CACNA1C: variants seen among roughly 807,000 people sequenced by gnomAD.
The protein encoded by CACNA1C is calcium voltage-gated channel subunit alpha1 C.
Under a neutral mutation model 229.0 loss-of-function variants are expected in CACNA1C, and 30 were observed. The observed-to-expected ratio is 0.13, with a 90% CI of 0.10 to 0.18. The LOEUF is 0.18. CACNA1C is among the 10% of genes least tolerant of loss of function. The pLI is 1.00. For synonymous variants in CACNA1C, 1,114 were observed against 1,132.5 expected, an observed-to-expected ratio of 0.98 and a Z score of 0.33; for missense variants, 1,658 against 2,845.0, an observed-to-expected ratio of 0.58 and a Z score of 9.49.
chr12:2,559,615 C>T (rs1425449680), intron 11 of CACNA1C, among the ~76,000 whole-genome samples: 1 of 152,236 alleles, frequency 6.6e-6, no homozygotes, highest in African/African-American at 2.4e-5. Context: ...TAGATTGGCA[C>T]TATCATTGAA....
Position 2,646,200 on chromosome 12 carries a change from T to A in CACNA1C, c.3913-2275T>A, listed in dbSNP as rs2094337845. On this transcript the variant is annotated intron_variant, in intron 30 of 46. Coordinates refer to ENST00000399655, the MANE Select transcript of CACNA1C (RefSeq NM_000719.7). The surrounding 1 kb of genome is among the most constrained non-coding windows in gnomAD (Gnocchi z 4.6). ...AAAATGCAACAAGAAAAAAGACAGT[T>A]AAGACAAATGTTTAAAAATCCCAAA... Among the ~76,000 whole-genome samples the A allele has an allele frequency of 6.6e-6, 1 of 152,250 alleles. No homozygotes were observed. Among genetic ancestry groups the A allele is most frequent in the African/African-American group, 2.4e-5 (1 of 41,468 alleles).
upstream of CACNA1C, among the ~76,000 whole-genome samples, chr12:2,051,624 AG>A (rs2052244348): frequency 6.6e-6 from 1 of 152,198 alleles, no homozygotes; most frequent in African/African-American, 2.4e-5. Context: ...ATTCACCTGA[AG>A]GTAGGGTCAA....
intron 13 of CACNA1C, among the ~76,000 whole-genome samples, chr12:2,573,778 A>T (rs904724201): frequency 1.3e-5 from 2 of 152,230 alleles, no homozygotes; most frequent in Non-Finnish European, 2.9e-5. Flanking sequence ...AAAATAAAAC[A>T]AATTAATATT....
Position 2,653,947 on chromosome 12 carries a change from T to C in CACNA1C, c.4140+47T>C, listed in dbSNP as rs1319686054. On this transcript the variant is annotated intron_variant, in intron 33 of 46. Transcript: ENST00000399655. The surrounding 1 kb of genome is among the most constrained non-coding windows in gnomAD (Gnocchi z 4.7). Reference sequence around the variant, plus strand: ...GGCTCCTGGCCTCCCGCTCTGTCTCTCCCCAGTTCCCAGCACCACATTCCC... The same window carrying C: ...GGCTCCTGGCCTCCCGCTCTGTCTCCCCCCAGTTCCCAGCACCACATTCCC... 1 of 1,488,702 alleles carries C rather than the reference T, an allele frequency of 6.7e-7. No individual in the cohort carries two copies. Among genetic ancestry groups the C allele is most frequent in the Non-Finnish European group, 9.4e-7 (1 of 1,067,894 alleles). 92.2% of individuals were successfully genotyped at this position (1,488,702 alleles called of 1,614,324 possible).
rs2053180214 is a variant in CACNA1C, at chr12:2,053,750, C to T, written c.49+139C>T. On this transcript the variant is annotated intron_variant, in intron 1 of 46. Coordinates refer to ENST00000399655, the MANE Select transcript of CACNA1C (RefSeq NM_000719.7). This position sits in a 1 kb window ranked among gnomAD's most constrained non-coding sequence, Gnocchi z 5.8. Reference sequence around the variant, plus strand: ...GCGTCCGCGAGGGGCGCCTCCGCCTCGTCGGAGCGCCCGGGAGCCCGGCGG... The same window carrying T: ...GCGTCCGCGAGGGGCGCCTCCGCCTTGTCGGAGCGCCCGGGAGCCCGGCGG... The T allele has an allele frequency of 1.1e-6, 1 of 877,032 alleles. No individual in the cohort carries two copies. Among genetic ancestry groups the T allele is most frequent in the Non-Finnish European group, 1.5e-6 (1 of 678,054 alleles). 54.3% of individuals were successfully genotyped at this position (877,032 alleles called of 1,614,324 possible). A position where few individuals can be genotyped will look rare whatever the true frequency, so the allele number is the denominator to read the frequency against.
chr12:2,207,599 C>G (rs1048583717), intron 3 of CACNA1C, among the ~76,000 whole-genome samples: 1 of 152,010 alleles, frequency 6.6e-6, no homozygotes, highest in South Asian at 2.1e-4. Flanking sequence ...CACTTGAGCT[C>G]AGGAGTTGGA....
At chr12:2,681,334 C>T (rs1424979166) in intron 42 of CACNA1C, among the ~76,000 whole-genome samples, 5 of 152,214 alleles carry the variant, frequency 3.3e-5, no homozygotes, top group Admixed American at 6.5e-5. Context: ...AGCACACAGT[C>T]GGTGCTCATG....
At chr12:2,554,852 G>A (rs1474741508) in intron 10 of CACNA1C, among the ~76,000 whole-genome samples, 7 of 152,168 alleles carry the variant, frequency 4.6e-5, no homozygotes, top group Non-Finnish European at 7.3e-5. Flanking sequence ...CCTCCCCTTC[G>A]CAAGGAGTGG....
intron 3 of CACNA1C, among the ~76,000 whole-genome samples, chr12:2,263,081 T>C (rs1329926681): frequency 2.0e-5 from 3 of 152,114 alleles, no homozygotes; most frequent in Admixed American, 2.0e-4. Flanking sequence ...TTATAGCTTT[T>C]AATAGAGGGG....
chr12:2,156,181 G>A (rs543200288), intron 3 of CACNA1C, among the ~76,000 whole-genome samples: 3 of 152,336 alleles, frequency 2.0e-5, no homozygotes, highest in South Asian at 2.1e-4. Context: ...GAAAGGTCAA[G>A]AAATGATGAT....
rs1603364333 is a variant in CACNA1C, at chr12:2,653,816, C to T, written c.4075-19C>T. On this transcript the variant is annotated intron_variant, in intron 32 of 46. Coordinates refer to ENST00000399655, the MANE Select transcript of CACNA1C (RefSeq NM_000719.7). This position sits in a 1 kb window ranked among gnomAD's most constrained non-coding sequence, Gnocchi z 4.7. ...CTCTGCACTCCAGCCTCATGGGAGT[C>T]TCCTGCACTTCCTTCCAGGCCCTGC... The T allele has an allele frequency of 6.2e-7, 1 of 1,612,182 alleles. No individual in the cohort carries two copies. Among genetic ancestry groups the T allele is most frequent in the Non-Finnish European group, 8.5e-7 (1 of 1,178,468 alleles).
Position 1,971,325 on chromosome 12 carries a change from G to A in CACNA1C, c.139+124G>A. The A allele has an allele frequency of 2.1e-6, 1 of 475,514 alleles. No individual in the cohort carries two copies. Among genetic ancestry groups the A allele is most frequent in the South Asian group, 2.2e-5 (1 of 44,904 alleles). The allele number at this position is 475,514 out of a possible 1,614,324, so 29.5% of individuals were successfully genotyped here. A position where few individuals can be genotyped will look rare whatever the true frequency, so the allele number is the denominator to read the frequency against. On this transcript the variant is annotated intron_variant, in intron 1 of 46. Transcript: ENST00000682462. The surrounding 1 kb of genome is among the most constrained non-coding windows in gnomAD (Gnocchi z 4.2). Reference sequence around the variant, plus strand: ...AACTCATCTCTCCATATTTAATCAGGATTTACCACACACCGTTGTAAAATT... The same window carrying A: ...AACTCATCTCTCCATATTTAATCAGAATTTACCACACACCGTTGTAAAATT...
chr12:2,457,473 A>T, intron 4 of CACNA1C, 94 bp from the exon 5 acceptor site: 1 of 1,395,742 alleles, frequency 7.2e-7, no homozygotes, highest in East Asian at 2.4e-5. Context: ...CGCCTGCGCA[A>T]TCTGCTTTTC....
intron 3 of CACNA1C, among the ~76,000 whole-genome samples, chr12:2,232,825 G>A (rs1201595552): frequency 6.6e-6 from 1 of 152,038 alleles, no homozygotes; most frequent in Non-Finnish European, 1.5e-5. Flanking sequence ...TTTATTCTAT[G>A]AGTAATAATC....
intron 10 of CACNA1C, among the ~76,000 whole-genome samples, 157 bp from the exon 11 acceptor site, chr12:2,556,794 T>C (rs1220477365): frequency 6.6e-6 from 1 of 152,088 alleles, no homozygotes; most frequent in Non-Finnish European, 1.5e-5. Flanking sequence ...ATAAATAGGG[T>C]TCTTTCTCTC....
At chr12:2,473,182 C>T (rs940020771) in intron 5 of CACNA1C, among the ~76,000 whole-genome samples, 1 of 152,192 alleles carries the variant, frequency 6.6e-6, no homozygotes, top group Non-Finnish European at 1.5e-5. Context: ...TGCTGTCAAC[C>T]CTAAACCAGC....
At chr12:2,569,109 C>T (rs567959891) in intron 13 of CACNA1C, among the ~76,000 whole-genome samples, 2 of 152,268 alleles carry the variant, frequency 1.3e-5, no homozygotes, top group South Asian at 4.2e-4. Flanking sequence ...CCTCTGTCCA[C>T]ATGGCCACCC....
intron 1 of CACNA1C, chr12:2,004,132 T>A: frequency 4.6e-5 from 45 of 976,962 alleles, no homozygotes; most frequent in African/African-American, 1.2e-4. Context: ...CGAGACCCCA[T>A]CTCCACAACT....
chr12:2,548,375 G>A (rs1201023878), intron 9 of CACNA1C, among the ~76,000 whole-genome samples: 2 of 152,060 alleles, frequency 1.3e-5, no homozygotes, highest in Non-Finnish European at 2.9e-5. Flanking sequence ...AGAGGTGGTC[G>A]AGACTGGGGC....
Sources: gnomAD v4.1 joint callset for allele counts (sites outside exome capture counted in the v4.1 genomes callset) on GRCh38, gnomAD v4.1.1 for gene constraint, Gnocchi (gnomAD v3.1) non-coding constraint, MANE v1.5 for transcripts, NCBI Gene and HGNC (gene_info 2026-07-23, HGNC 2026-07-21) for gene names.